Variants in RORA observed in about 807,000 individuals in gnomAD.
RORA encodes RAR related orphan receptor A.
Under a neutral mutation model 69.5 loss-of-function variants are expected in RORA, and 7 were observed. The observed-to-expected ratio is 0.10, with a 90% CI of 0.06 to 0.19. The LOEUF (loss-of-function observed/expected upper bound fraction) is 0.19. Among genes scored for constraint, RORA ranks in the 10% least tolerant of loss-of-function variants. The pLI is 1.00. For synonymous variants in RORA, 261 were observed against 240.8 expected, an observed-to-expected ratio of 1.08 and a Z score of -0.78; for missense variants, 457 against 663.0, an observed-to-expected ratio of 0.69 and a Z score of 3.41.
At chr15:61,207,917 G>A (rs1356391275) in intron 1 of RORA, among the ~76,000 whole-genome samples, 1 of 152,202 alleles carries the variant, frequency 6.6e-6, no homozygotes, top group East Asian at 1.9e-4. Flanking sequence ...AGTACCTACA[G>A]CTAGTGCTTT....
chr15:61,077,037 C>T (rs1280978276), intron 1 of RORA, among the ~76,000 whole-genome samples: 4 of 152,062 alleles, frequency 2.6e-5, no homozygotes, highest in Admixed American at 1.3e-4. Context: ...ACACTAAAAC[C>T]GATTTTGTTG....
Position 61,023,102 on chromosome 15 carries a change from C to T in RORA, c.166+205951G>A, listed in dbSNP as rs964763288. On this transcript the variant is annotated intron_variant, in intron 1 of 10. Coordinates refer to ENST00000335670, the MANE Select transcript of RORA (RefSeq NM_134261.3). ...ACTCGGGAGGCTGAGGCAGGAGAATCGCTTGAACCCAGGAGGCAGAGGTTG... is the reference window on the plus strand; with the variant it reads ...ACTCGGGAGGCTGAGGCAGGAGAATTGCTTGAACCCAGGAGGCAGAGGTTG... Among the ~76,000 whole-genome samples the T allele has an allele frequency of 2.9e-4, 42 of 146,774 alleles. No homozygotes were observed. The Middle Eastern group carries it at 0.011, about 37-fold the overall frequency.
At chr15:61,047,545 T>G (rs1486891027) in intron 1 of RORA, among the ~76,000 whole-genome samples, 1 of 152,210 alleles carries the variant, frequency 6.6e-6, no homozygotes, top group Non-Finnish European at 1.5e-5. Context: ...CTCCTTGGAG[T>G]GTCTCTTCCC....
chr15:60,632,026 C>T (rs2069747647), intron 2 of RORA, among the ~76,000 whole-genome samples: 1 of 152,092 alleles, frequency 6.6e-6, no homozygotes, highest in Non-Finnish European at 1.5e-5. Context: ...GACAAGAAAA[C>T]TAGAAAGCCC....
intron 3 of RORA, among the ~76,000 whole-genome samples, chr15:60,522,196 T>G (rs1462344541): frequency 6.6e-6 from 1 of 152,210 alleles, no homozygotes; most frequent in Non-Finnish European, 1.5e-5. Context: ...AATGATTATT[T>G]TACTGTTATC....
At chr15:60,991,875 C>T (rs1361241063) in intron 1 of RORA, among the ~76,000 whole-genome samples, 1 of 151,332 alleles carries the variant, frequency 6.6e-6, no homozygotes, top group Non-Finnish European at 1.5e-5. Flanking sequence ...CCCTGTACTC[C>T]AGCCTGCGTG....
chr15:60,498,134 A>G (rs1189915870), intron 10 of RORA, among the ~76,000 whole-genome samples: 1 of 152,186 alleles, frequency 6.6e-6, no homozygotes, highest in East Asian at 1.9e-4. Context: ...ATGATTTTCA[A>G]GATGAATAAT....
intron 1 of RORA, among the ~76,000 whole-genome samples, chr15:60,702,803 G>T (rs980860507): frequency 6.6e-6 from 1 of 152,134 alleles, no homozygotes; most frequent in African/African-American, 2.4e-5. Context: ...ATTCTTGAAG[G>T]CTGACTTTAA....
intron 5 of RORA, among the ~76,000 whole-genome samples, chr15:60,509,020 T>C (rs1000464457): frequency 1.3e-5 from 2 of 152,210 alleles, no homozygotes; most frequent in African/African-American, 4.8e-5. Flanking sequence ...GGTTTATAAT[T>C]TATTTTCCTA....
intron 1 of RORA, among the ~76,000 whole-genome samples, chr15:60,871,380 C>T (rs1316149173): frequency 1.3e-5 from 2 of 152,170 alleles, no homozygotes; most frequent in Non-Finnish European, 2.9e-5. Flanking sequence ...TTCACTGAAT[C>T]GCTGCCCTAG....
At chr15:61,146,902 G>A (rs1398755251) in intron 1 of RORA, among the ~76,000 whole-genome samples, 1 of 151,972 alleles carries the variant, frequency 6.6e-6, no homozygotes, top group East Asian at 1.9e-4. Context: ...CTTTGTCAGG[G>A]TAGAGGCAGT....
rs142114644 is a variant in RORA, at chr15:60,559,155, A to G, written c.197-27304T>C. On this transcript the variant is annotated intron_variant, in intron 2 of 10. Coordinates refer to ENST00000335670, the MANE Select transcript of RORA (RefSeq NM_134261.3). Reference sequence around the variant, plus strand: ...AATAAAGAGTATTTTACTCTTCTCGAAAAAATTTATTAGACACTTATGAAA... The same window carrying G: ...AATAAAGAGTATTTTACTCTTCTCGGAAAAATTTATTAGACACTTATGAAA... 1.0e-3 allele frequency among the ~76,000 whole-genome samples: 152 copies of G among 152,324 alleles called. 1 individual carries two copies. The East Asian group carries it at 0.027, about 27-fold the overall frequency.
At chr15:60,621,857 G>C (rs957597269) in intron 2 of RORA, among the ~76,000 whole-genome samples, 1 of 152,046 alleles carries the variant, frequency 6.6e-6, no homozygotes, top group Admixed American at 6.6e-5. Flanking sequence ...AGACCAGCCT[G>C]GCCAATACGG....
At chr15:60,545,627 C>T (rs2067044839) in intron 2 of RORA, among the ~76,000 whole-genome samples, 1 of 152,176 alleles carries the variant, frequency 6.6e-6, no homozygotes, top group Non-Finnish European at 1.5e-5. Flanking sequence ...AGCCTTTTCC[C>T]TCTTCTGGTC....
chr15:61,186,722 C>T (rs2079746757), intron 1 of RORA, among the ~76,000 whole-genome samples: 1 of 150,278 alleles, frequency 6.7e-6, no homozygotes, highest in Non-Finnish European at 1.5e-5. Flanking sequence ...GAGGGTCTAC[C>T]AAAATCTGCA....
intron 1 of RORA, among the ~76,000 whole-genome samples, chr15:60,695,803 C>T (rs1014767988): frequency 2.0e-5 from 3 of 151,882 alleles, no homozygotes; most frequent in Non-Finnish European, 4.4e-5. Flanking sequence ...AGAAAGTACA[C>T]GGAGGAAGCA....
Position 60,491,574 on chromosome 15 carries a change from T to G in RORA, c.*5881A>C, listed in dbSNP as rs1304522897. 1 of 151,838 alleles carries G rather than the reference T, an allele frequency of 6.6e-6. No individual in the cohort carries two copies. Among genetic ancestry groups the G allele is most frequent in the Non-Finnish European group, 1.5e-5 (1 of 67,948 alleles). 9.4% of individuals were successfully genotyped at this position (151,838 alleles called of 1,614,324 possible). ...TTTATAAATAAATGACTGAATGTAT[T>G]TATTGCTCTAAGTTCTGAGGGTTTG... On this transcript the variant is annotated 3_prime_UTR_variant, in exon 11 of 11. Transcript: ENST00000335670.
At chr15:60,753,342 C>G (rs919028870) in intron 1 of RORA, among the ~76,000 whole-genome samples, 5 of 152,252 alleles carry the variant, frequency 3.3e-5, no homozygotes, top group African/African-American at 7.2e-5. Context: ...TTCTGTTAAT[C>G]CATCCATTCA....
intron 1 of RORA, among the ~76,000 whole-genome samples, chr15:60,981,834 C>CTT (rs78522944): frequency 1.1e-4 from 16 of 147,580 alleles, no homozygotes; most frequent in Non-Finnish European, 1.8e-4. Context: ...CTGTTGATTG[C>CTT]TTTTTTTTTT....
Sources: allele counts gnomAD v4.1 joint callset (sites outside exome capture counted in the v4.1 genomes callset), GRCh38; gene constraint gnomAD v4.1.1; transcripts MANE v1.5; gene names NCBI Gene and HGNC (gene_info 2026-07-23, HGNC 2026-07-21).